Variants in RIMS1 observed in about 807,000 individuals in gnomAD.
RIMS1 encodes the protein regulating synaptic membrane exocytosis protein 1.
A neutral mutation model predicts 214.1 loss-of-function variants in RIMS1; 83 were observed. That is an observed-to-expected ratio of 0.39 (90% CI 0.32 to 0.47). The LOEUF (loss-of-function observed/expected upper bound fraction) is 0.47. Ranked by LOEUF, RIMS1 falls within the 20% of genes least tolerant of loss-of-function variation. The pLI, the probability that RIMS1 is intolerant of heterozygous loss-of-function variation, is 0.99. For missense variants in RIMS1, 2,050 were observed against 2,161.8 expected (o/e 0.95, Z 1.03); for synonymous variants, 793 against 786.8 (o/e 1.01, Z -0.13).
At chr6:71,911,302 A>G (rs1776832972) in intron 1 of RIMS1, among the ~76,000 whole-genome samples, 1 of 152,200 alleles carries the variant, frequency 6.6e-6, no homozygotes, top group Non-Finnish European at 1.5e-5. Context: ...AGAGCCACAC[A>G]AGAACTGAGT....
intron 1 of RIMS1, among the ~76,000 whole-genome samples, chr6:71,958,800 CT>C (rs1440531636): frequency 6.6e-6 from 1 of 152,054 alleles, no homozygotes; most frequent in Non-Finnish European, 1.5e-5. Flanking sequence ...GCATGTTCAC[CT>C]TTGTCAGTGA....
At chr6:72,199,733 TG>T (rs1317135352) in intron 6 of RIMS1, among the ~76,000 whole-genome samples, 1 of 152,168 alleles carries the variant, frequency 6.6e-6, no homozygotes, top group Non-Finnish European at 1.5e-5. Flanking sequence ...ATAAAACTAT[TG>T]GCTTCTGAAA....
chr6:72,265,996 T>A lies in RIMS1; in HGVS notation c.3345T>A (p.Ala1115=), dbSNP rs1209177500. 6.3e-7 allele frequency: 1 copy of A among 1,584,608 alleles called. No homozygotes were observed. The highest frequency in any genetic ancestry group is 8.6e-7 in the Non-Finnish European group (1 of 1,164,116). The part of the protein sequence containing the change: ...LQPFLDRARS[A]STNCLRPDTS... ...CCTTTCTTGACAGGGCTAGGAGTGC[T>A]AGTACCAACTGCTTGAGACCAGATA... is the stretch of plus-strand genomic sequence containing the variant. Residue 1115 remains alanine (A), a synonymous_variant, in exon 22 of 34, where the codon GCT becomes GCA. Coordinates refer to ENST00000521978, the MANE Select transcript of RIMS1 (RefSeq NM_014989.7).
chr6:72,074,825 T>C (rs1586352742), intron 2 of RIMS1, among the ~76,000 whole-genome samples: 3 of 152,182 alleles, frequency 2.0e-5, no homozygotes, highest in Admixed American at 2.0e-4. Flanking sequence ...GGGTGTAAAA[T>C]GATTTCTGGG....
At chr6:72,398,138 A>G in intron 31 of RIMS1, 111 bp from the exon 32 acceptor site, 1 of 633,270 alleles carries the variant, frequency 1.6e-6, no homozygotes, top group Non-Finnish European at 2.8e-6. Context: ...TTAGTTTCTT[A>G]TCAAAATCAT....
At chr6:72,293,222 T>A (rs1351508607) in intron 26 of RIMS1, among the ~76,000 whole-genome samples, 1 of 152,040 alleles carries the variant, frequency 6.6e-6, no homozygotes, top group African/African-American at 2.4e-5. Flanking sequence ...TGATACTCCA[T>A]GCTTTAGTTT....
chr6:71,901,751 G>C (rs150118580), intron 1 of RIMS1, among the ~76,000 whole-genome samples: 1 of 152,056 alleles, frequency 6.6e-6, no homozygotes, highest in South Asian at 2.1e-4. Context: ...TACTTACTAC[G>C]TGTGCATTTC....
intron 29 of RIMS1, among the ~76,000 whole-genome samples, chr6:72,355,798 A>G (rs1021821417): frequency 5.3e-5 from 8 of 152,156 alleles, no homozygotes; most frequent in Non-Finnish European, 1.0e-4. Flanking sequence ...GATACCTGTC[A>G]TTTATAACCA....
rs897115922 is a variant in RIMS1, at chr6:71,886,887, CGCCGCCGCCGCTGCTCCTCCTCCT to C, written c.-124_-101del. The C allele has an allele frequency of 1.6e-5, 14 of 881,780 alleles. No homozygotes were observed. Among genetic ancestry groups the C allele is most frequent in the Non-Finnish European group, 2.3e-5 (13 of 575,244 alleles). The allele number at this position is 881,780 out of a possible 1,614,324, so 54.6% of individuals were successfully genotyped here. ...CCGGCTCTGCTGCTGCTGCTGCTGC[CGCCGCCGCCGCTGCTCCTCCTCCT>C]GCCGCCGCCGCTAGGGCTCCGCTGT... is the stretch of plus-strand genomic sequence containing the variant. On this transcript the variant is annotated 5_prime_UTR_variant, in exon 1 of 34. Transcript: ENST00000521978.
intron 6 of RIMS1, among the ~76,000 whole-genome samples, chr6:72,189,706 T>G (rs1419761374): frequency 2.0e-5 from 3 of 152,118 alleles, no homozygotes; most frequent in Non-Finnish European, 4.4e-5. Flanking sequence ...CCTTGGTGAG[T>G]GGAAGTCCAT....
chr6:72,392,730 A>G lies in RIMS1; in HGVS notation c.4538A>G (p.Asp1513Gly). 6.2e-7 allele frequency: 1 copy of G among 1,613,562 alleles called. No homozygotes were observed. Among genetic ancestry groups the G allele is most frequent in the African/African-American group, 1.3e-5 (1 of 75,024 alleles). Residue 1513 changes from aspartate (D) to glycine (G), a missense_variant, in exon 31 of 34, where the codon GAC (aspartate) becomes GGC (glycine). This residue lies in a region of RIMS1 where 121 missense variants were observed against 187.3 expected (regional missense o/e 0.65). Coordinates refer to ENST00000521978, the MANE Select transcript of RIMS1 (RefSeq NM_014989.7). ...LIFPGVRLGA[D>G]SQFSDFLDGL... ...TTTCCTGGAGTGCGACTGGGAGCTG[A>G]CAGTCAATTCAGTGATTTTCTTGAT...
In RIMS1 at chr6:71,958,651, A is replaced by G. The variant is rs146495805; in HGVS notation, c.165-10332A>G. Among the ~76,000 whole-genome samples, 27 of 152,236 alleles carry G rather than the reference A, an allele frequency of 1.8e-4. No homozygotes were observed. The East Asian group carries it at 5.2e-3, about 29-fold the overall frequency. ...AAATAAGATATAATAGGAATTGTGA[A>G]TTTTTGGTAGATACAGATTTAATAC... On this transcript the variant is annotated intron_variant, in intron 1 of 33. Transcript: ENST00000521978.
chr6:72,238,903 A>G (rs972139573), intron 9 of RIMS1, among the ~76,000 whole-genome samples: 6 of 152,068 alleles, frequency 3.9e-5, no homozygotes, highest in East Asian at 1.9e-4. Flanking sequence ...GTTCAAAATC[A>G]TTTTCATTTT....
chr6:72,099,624 T>A (rs2033022412), intron 3 of RIMS1, among the ~76,000 whole-genome samples: 1 of 152,130 alleles, frequency 6.6e-6, no homozygotes, highest in African/African-American at 2.4e-5. Flanking sequence ...TAATAAAATA[T>A]TTTTCAATAA....
chr6:72,186,268 G>T (rs888990791), intron 6 of RIMS1, among the ~76,000 whole-genome samples: 4 of 152,172 alleles, frequency 2.6e-5, no homozygotes, highest in African/African-American at 9.7e-5. Flanking sequence ...TGGTGTTTTG[G>T]GTAGTAACTT....
chr6:72,106,325 G>C (rs1332900797), intron 4 of RIMS1, among the ~76,000 whole-genome samples: 1 of 152,118 alleles, frequency 6.6e-6, no homozygotes, highest in Non-Finnish European at 1.5e-5. Flanking sequence ...ATAAAGTGCT[G>C]TTACAGCAAA....
chr6:72,119,409 G>C (rs1275340599), intron 4 of RIMS1, among the ~76,000 whole-genome samples: 1 of 151,486 alleles, frequency 6.6e-6, no homozygotes, highest in East Asian at 1.9e-4. Flanking sequence ...TACAGATTTA[G>C]GGCAATTCCC....
chr6:72,274,417 C>T lies in RIMS1; in HGVS notation c.3467C>T (p.Ser1156Phe). 1.2e-6 allele frequency: 2 copies of T among 1,613,112 alleles called. No individual in the cohort carries two copies. Among genetic ancestry groups the T allele is most frequent in the Non-Finnish European group, 1.7e-6 (2 of 1,179,252 alleles). ...PSPRIQIQHA[S>F]PENDRHSRKS... is the part of the protein sequence containing the mutation. ...CCCAGGATTCAAATCCAGCATGCGTCTCCGGAGAATGACAGGTACTAGTCA... is the reference window on the plus strand; with the variant it reads ...CCCAGGATTCAAATCCAGCATGCGTTTCCGGAGAATGACAGGTACTAGTCA... The change falls in exon 23 of 34, where the codon TCT becomes TTT. Residue 1156 changes from serine (S) to phenylalanine (F), a missense_variant. Around this residue, in one of 6 missense-constraint regions of RIMS1, gnomAD observed 889 missense variants for 885.5 expected, o/e 1.00. Transcript: ENST00000521978.
At chr6:72,007,849 G>T (rs528951655) in intron 2 of RIMS1, among the ~76,000 whole-genome samples, 9 of 152,280 alleles carry the variant, frequency 5.9e-5, no homozygotes, top group African/African-American at 2.2e-4. Context: ...ATGTCTGATT[G>T]GTGTACCTGA....
Sources: gnomAD v4.1 joint callset for allele counts (sites outside exome capture counted in the v4.1 genomes callset) on GRCh38, gnomAD v4.1.1 for gene constraint, gnomAD v4.1.1 regional missense constraint, MANE v1.5 for transcripts, NCBI Gene and HGNC (gene_info 2026-07-23, HGNC 2026-07-21) for gene names.